Variants in LOXHD1 observed in about 807,000 individuals in gnomAD.
The protein encoded by LOXHD1 is lipoxygenase homology domain-containing protein 1.
In LOXHD1, 205 loss-of-function variants were observed where a neutral mutation model predicts 248.2. The observed-to-expected ratio is 0.83, with a 90% confidence interval of 0.74 to 0.93. The LOEUF (loss-of-function observed/expected upper bound fraction) is 0.93. LOXHD1 is among the 40% of genes least tolerant of loss of function. The probability of loss-of-function intolerance (pLI) is 0.00; values close to 1 mark genes in which losing one functional copy is unlikely to be tolerated. For synonymous variants in LOXHD1, 1,113 were observed against 1,162.8 expected (o/e 0.96, Z 0.87); for missense variants, 2,930 against 2,971.6 (o/e 0.99, Z 0.33).
intron 4 of LOXHD1, among the ~76,000 whole-genome samples, chr18:46,631,373 A>G (rs1016175656): frequency 1.3e-5 from 2 of 152,202 alleles, no homozygotes; most frequent in African/African-American, 4.8e-5. Context: ...GCACGTGTGA[A>G]CCACAGGGAG....
intron 40 of LOXHD1, among the ~76,000 whole-genome samples, chr18:46,482,419 C>T (rs1385575992): frequency 1.3e-5 from 2 of 152,168 alleles, no homozygotes; most frequent in Admixed American, 6.5e-5. Context: ...AGAGAGAAGG[C>T]GGCCATGTGC....
intron 2 of LOXHD1, among the ~76,000 whole-genome samples, chr18:46,644,933 G>T (rs571010364): frequency 6.6e-6 from 1 of 152,288 alleles, no homozygotes; most frequent in Middle Eastern, 3.4e-3. Context: ...CAGAGGGAGT[G>T]CTCCACGCTG....
intron 34 of LOXHD1, among the ~76,000 whole-genome samples, chr18:46,513,620 C>T (rs776841886): frequency 7.9e-5 from 12 of 152,186 alleles, no homozygotes; most frequent in Non-Finnish European, 1.5e-4. Flanking sequence ...CTGGCAGCCA[C>T]CAGAAGCTGC....
At chr18:46,558,885 C>G (rs1221328101) in intron 20 of LOXHD1, among the ~76,000 whole-genome samples, 1 of 152,096 alleles carries the variant, frequency 6.6e-6, no homozygotes, top group Non-Finnish European at 1.5e-5. Context: ...ATGACCCCAC[C>G]CACCCCACAC....
chr18:46,538,343 G>C lies in LOXHD1; in HGVS notation c.3914-6C>G. ...GGTGATCTCGTAAGGAACAACTGAG[G>C]GTGGTGGTCAGAGGGCAAAGCCAGA... On this transcript the variant is annotated splice_polypyrimidine_tract_variant and splice_region_variant and intron_variant, in intron 25 of 40. Coordinates refer to ENST00000642948, the MANE Select transcript of LOXHD1 (RefSeq NM_001384474.1). 6.5e-7 allele frequency: 1 copy of C among 1,543,170 alleles called. No homozygotes were observed. Among genetic ancestry groups the C allele is most frequent in the Non-Finnish European group, 8.8e-7 (1 of 1,139,736 alleles).
intron 8 of LOXHD1, among the ~76,000 whole-genome samples, chr18:46,598,915 C>T (rs2038297647): frequency 6.6e-6 from 1 of 152,106 alleles, no homozygotes; most frequent in Admixed American, 6.5e-5. Flanking sequence ...CAACACTGTT[C>T]TTCATGGGAT....
At chr18:46,627,980 G>T (rs1211764974) in intron 4 of LOXHD1, among the ~76,000 whole-genome samples, 1 of 152,166 alleles carries the variant, frequency 6.6e-6, no homozygotes, top group Non-Finnish European at 1.5e-5. Flanking sequence ...CACCCTGAGC[G>T]CAGGCTCTGG....
At chr18:46,511,975 C>T (rs867047896) in intron 34 of LOXHD1, among the ~76,000 whole-genome samples, 13 of 152,162 alleles carry the variant, frequency 8.5e-5, no homozygotes, top group Admixed American at 4.6e-4. Context: ...TAATCAACCC[C>T]CATCTTGCCT....
chr18:46,585,311 T>TA (rs1456294744), intron 12 of LOXHD1, among the ~76,000 whole-genome samples: 26 of 152,130 alleles, frequency 1.7e-4, no homozygotes, highest in African/African-American at 5.1e-4. Context: ...AGGAATTCAC[T>TA]AAAAAACTAT....
rs757795682 is a variant in LOXHD1 at position 46,489,086 on chromosome 18, C to T, written c.5935G>A (p.Glu1979Lys). The T allele has an allele frequency of 1.2e-4, 179 of 1,551,598 alleles. No homozygotes were observed. Among genetic ancestry groups the T allele is most frequent in the East Asian group, 2.2e-4 (9 of 40,930 alleles). The change falls in exon 38 of 41, where the codon GAG (glutamate) becomes AAG (lysine). Residue 1979 changes from glutamate (E) to lysine (K), a missense_variant. Transcript: ENST00000642948. ...CAGTCACACTGGAAGTGGAAGGTCT[C>T]GTCGCGGGAGTTGTCCTTCACATCG... ...YVDVKDNSRD[E>K]TFHFQCDCWL...
intron 5 of LOXHD1, among the ~76,000 whole-genome samples, chr18:46,616,635 G>A (rs2038591550): frequency 6.6e-6 from 1 of 151,966 alleles, no homozygotes; most frequent in Non-Finnish European, 1.5e-5. Context: ...ATCCTTTAGT[G>A]GTTGTTTAAG....
chr18:46,571,202 T>G lies in LOXHD1; in HGVS notation c.2047+884A>C, dbSNP rs556079125. On this transcript the variant is annotated intron_variant, in intron 15 of 40. Coordinates refer to ENST00000642948, the MANE Select transcript of LOXHD1 (RefSeq NM_001384474.1). ...ATCTTTAGCTGCCGGGTGCCGTGGCTCATGCCTCTAATCCCAGCACTTTGG... is the reference window on the plus strand; with the variant it reads ...ATCTTTAGCTGCCGGGTGCCGTGGCGCATGCCTCTAATCCCAGCACTTTGG... Among the ~76,000 whole-genome samples, 39 of 152,312 alleles carry G rather than the reference T, an allele frequency of 2.6e-4. 1 individual carries two copies. In the South Asian group the frequency reaches 7.9e-3, roughly 31 times the overall value.
At chr18:46,564,130 G>A (rs1050822089) in intron 17 of LOXHD1, among the ~76,000 whole-genome samples, 3 of 151,398 alleles carry the variant, frequency 2.0e-5, no homozygotes, top group East Asian at 2.0e-4. Context: ...ACGCACACAC[G>A]CACACATGAG....
At chr18:46,550,581 A>G (rs1430337082) in intron 21 of LOXHD1, among the ~76,000 whole-genome samples, 71 of 135,232 alleles carry the variant, frequency 5.3e-4, no homozygotes, top group African/African-American at 2.2e-3. Context: ...CTCCGTCTCA[A>G]AAAAAAAAAA....
chr18:46,657,090 T>C lies in LOXHD1; in HGVS notation c.-57A>G. ...GCTCACTGTGCCGCCTCCTCACACC[T>C]GCGGGAACCTGAGACCTCCTCCCTG... On this transcript the variant is annotated 5_prime_UTR_variant, in exon 1 of 41. Coordinates refer to ENST00000642948, the MANE Select transcript of LOXHD1 (RefSeq NM_001384474.1). 2 of 1,550,452 alleles carry C rather than the reference T, an allele frequency of 1.3e-6. No individual in the cohort carries two copies. Among genetic ancestry groups the C allele is most frequent in the Non-Finnish European group, 1.7e-6 (2 of 1,146,422 alleles).
chr18:46,625,084 A>G (rs72915422), intron 4 of LOXHD1, among the ~76,000 whole-genome samples: 13,503 of 152,232 alleles, frequency 0.089, 773 homozygotes, highest in Non-Finnish European at 0.14. Context: ...TGTTCACACA[A>G]TTAGAAAGGG....
At chr18:46,515,402 C>T (rs1551233) in intron 34 of LOXHD1, among the ~76,000 whole-genome samples, 85,621 of 151,738 alleles carry the variant, frequency 0.56, 24,861 homozygotes, top group Middle Eastern at 0.66. Context: ...GGGTAACAGC[C>T]CTGAGCTTGC....
At chr18:46,561,551 C>T (rs2037530672) in intron 18 of LOXHD1, among the ~76,000 whole-genome samples, 1 of 152,212 alleles carries the variant, frequency 6.6e-6, no homozygotes, top group Admixed American at 6.5e-5. Context: ...TTTGATCCTT[C>T]TCAAAGCCTG....
chr18:46,582,044 C>T (rs1341372345), intron 12 of LOXHD1, among the ~76,000 whole-genome samples: 1 of 152,114 alleles, frequency 6.6e-6, no homozygotes, highest in Non-Finnish European at 1.5e-5. Flanking sequence ...ATTAAAGAAA[C>T]CTTCATGTTA....
Sources: gnomAD v4.1 joint callset for allele counts (sites outside exome capture counted in the v4.1 genomes callset) on GRCh38, gnomAD v4.1.1 for gene constraint, MANE v1.5 for transcripts, NCBI Gene and HGNC (gene_info 2026-07-23, HGNC 2026-07-21) for gene names.